Variants in NOL4L observed in about 807,000 individuals in gnomAD.
NOL4L encodes nucleolar protein 4-like.
NOL4L carries 7 observed loss-of-function variants against 64.5 expected under a neutral mutation model. That is an observed-to-expected ratio of 0.11 (90% CI 0.06 to 0.20). NOL4L has a LOEUF of 0.20. Among genes scored for constraint, NOL4L ranks in the 10% least tolerant of loss-of-function variants. The pLI is 1.00. For missense variants in NOL4L, 680 were observed against 967.1 expected (o/e 0.70, Z 3.94); for synonymous variants, 413 against 401.0 (o/e 1.03, Z -0.36).
chr20:32,528,448 G>A (rs981705006), intron 1 of NOL4L, among the ~76,000 whole-genome samples: 17 of 152,352 alleles, frequency 1.1e-4, no homozygotes, highest in Non-Finnish European at 2.2e-4. Flanking sequence ...GCAGCTGAGC[G>A]CCAGCAACGG....
intron 4 of NOL4L, among the ~76,000 whole-genome samples, chr20:32,497,056 CAAAAA>C (rs11167170): frequency 1.3e-5 from 1 of 76,800 alleles, no homozygotes. Context: ...CTCCTACCCT[CAAAAA>C]AAAAAAAAAA....
At chr20:32,457,867 C>CTACTCG (rs2013702346) in intron 5 of NOL4L, among the ~76,000 whole-genome samples, 1 of 152,216 alleles carries the variant, frequency 6.6e-6, no homozygotes, top group African/African-American at 2.4e-5. Flanking sequence ...ACCCCACAGC[C>CTACTCG]TACTCGCGCC....
At chr20:32,526,259 C>G (rs1194408237) in intron 2 of NOL4L, among the ~76,000 whole-genome samples, 2 of 152,186 alleles carry the variant, frequency 1.3e-5, no homozygotes, top group Non-Finnish European at 1.5e-5. Flanking sequence ...GGGCCCCAGC[C>G]TGGGTGCCTC....
chr20:32,473,600 C>T (rs6119866), intron 5 of NOL4L, among the ~76,000 whole-genome samples: 7,772 of 152,248 alleles, frequency 0.051, 452 homozygotes, highest in African/African-American at 0.14. Context: ...TTCAGGCCTT[C>T]GGGAGGCAGG....
chr20:32,489,953 AC>A (rs1358131377), intron 4 of NOL4L, among the ~76,000 whole-genome samples: 1 of 151,626 alleles, frequency 6.6e-6, no homozygotes, highest in African/African-American at 2.4e-5. Flanking sequence ...ACATGGTAAA[AC>A]CCTGTCTCTA....
At chr20:32,488,825 CTTTTTCTT>C (rs1195226382) in intron 4 of NOL4L, among the ~76,000 whole-genome samples, 566 of 37,862 alleles carry the variant, frequency 0.015, 24 homozygotes, top group Middle Eastern at 0.035. Context: ...TTCTTTCTTT[CTTTTTCTT>C]TCTTTCTTTC....
chr20:32,450,858 C>T (rs770689128), intron 10 of NOL4L, among the ~76,000 whole-genome samples: 5 of 152,204 alleles, frequency 3.3e-5, no homozygotes, highest in African/African-American at 4.8e-5. Flanking sequence ...GTGCTGGCCA[C>T]TCCGGCCTTA....
chr20:32,490,347 T>G (rs778104253), intron 4 of NOL4L, among the ~76,000 whole-genome samples: 72 of 151,784 alleles, frequency 4.7e-4, no homozygotes, highest in Non-Finnish European at 7.8e-4. Flanking sequence ...CCTGGGGGAC[T>G]GGGGGGTGAG....
chr20:32,555,032 T>G (rs1978561553), intron 1 of NOL4L, among the ~76,000 whole-genome samples: 1 of 152,182 alleles, frequency 6.6e-6, no homozygotes, highest in Non-Finnish European at 1.5e-5. Flanking sequence ...GGCCTCCTCT[T>G]GAACCCCACT....
intron 5 of NOL4L, among the ~76,000 whole-genome samples, chr20:32,473,867 G>C (rs1268007815): frequency 6.6e-6 from 1 of 152,180 alleles, no homozygotes; most frequent in Non-Finnish European, 1.5e-5. Context: ...GCGATGCTGG[G>C]GTGCTGTGCT....
chr20:32,477,679 T>C (rs1361980263), intron 4 of NOL4L, among the ~76,000 whole-genome samples: 1 of 152,230 alleles, frequency 6.6e-6, no homozygotes. Context: ...GGAGGGCATA[T>C]GAAGCCCAGG....
chr20:32,497,417 G>A (rs957262801), intron 4 of NOL4L, among the ~76,000 whole-genome samples: 1 of 152,190 alleles, frequency 6.6e-6, no homozygotes, highest in Non-Finnish European at 1.5e-5. Flanking sequence ...AGCTGCCTGA[G>A]TTTCAGTGCC....
At chr20:32,580,207 C>T (rs984915174) in intron 1 of NOL4L, among the ~76,000 whole-genome samples, 3 of 152,148 alleles carry the variant, frequency 2.0e-5, no homozygotes, top group Non-Finnish European at 4.4e-5. Context: ...GTGAAGGTAG[C>T]AGTAATCACA....
At chr20:32,569,702 GC>G (rs1409318609) in intron 1 of NOL4L, among the ~76,000 whole-genome samples, 1 of 152,130 alleles carries the variant, frequency 6.6e-6, no homozygotes, top group Non-Finnish European at 1.5e-5. Context: ...GAGCACACCA[GC>G]CCCTAGGCTG....
chr20:32,470,228 T>A (rs1345685568), intron 5 of NOL4L, among the ~76,000 whole-genome samples: 2 of 152,216 alleles, frequency 1.3e-5, no homozygotes, highest in African/African-American at 2.4e-5. Context: ...GCCTCACATT[T>A]TCCGCTCAGG....
chr20:32,536,933 C>G (rs1253468688), intron 1 of NOL4L: 2 of 428,672 alleles, frequency 4.7e-6, no homozygotes, highest in African/African-American at 4.3e-5. Flanking sequence ...GGCGCGCGCC[C>G]GCTCACCTGG....
Position 32,453,455 on chromosome 20 carries a change from A to C in NOL4L, c.1346T>G (p.Met449Arg). Reference sequence around the variant, plus strand: ...CTTGGGCTGCTTGGAGATGGGCACCATGCGGTCCAGGTTCTCGTCCACAAA... The same window carrying C: ...CTTGGGCTGCTTGGAGATGGGCACCCTGCGGTCCAGGTTCTCGTCCACAAA... ...RLFVDENLDR[M>R]VPISKQPKEK... The change falls in exon 8 of 11, where the codon ATG (methionine) becomes AGG (arginine). Residue 449 changes from methionine to arginine, a missense_variant. Met to Arg is a moderately conservative substitution (Grantham distance 91). Transcript: ENST00000621426. This position sits in a 1 kb window ranked among gnomAD's most constrained non-coding sequence, Gnocchi z 5.6. The C allele has an allele frequency of 6.2e-7, 1 of 1,614,076 alleles. No individual in the cohort carries two copies. Among genetic ancestry groups the C allele is most frequent in the Non-Finnish European group, 8.5e-7 (1 of 1,180,006 alleles).
intron 4 of NOL4L, among the ~76,000 whole-genome samples, chr20:32,485,272 C>T (rs2016039866): frequency 6.6e-6 from 1 of 151,992 alleles, no homozygotes; most frequent in African/African-American, 2.4e-5. Flanking sequence ...TTTAACCCTC[C>T]AACTTTTTTT....
At chr20:32,502,740 G>A (rs542681505) in intron 4 of NOL4L, among the ~76,000 whole-genome samples, 15 of 151,668 alleles carry the variant, frequency 9.9e-5, no homozygotes, top group East Asian at 1.9e-4. Context: ...GTGAAACCCC[G>A]TCTCTACTAA....
Sources: allele counts gnomAD v4.1 joint callset (sites outside exome capture counted in the v4.1 genomes callset), GRCh38; gene constraint gnomAD v4.1.1; non-coding constraint Gnocchi (gnomAD v3.1); transcripts MANE v1.5; gene names NCBI Gene and HGNC (gene_info 2026-07-23, HGNC 2026-07-21).